Variants in EFHD1 observed in about 807,000 individuals in gnomAD.
EFHD1 encodes the protein EF-hand domain family member D1, also known as EF-hand domain-containing protein D1.
A neutral mutation model predicts 17.2 loss-of-function variants in EFHD1; 10 were observed. That is an observed-to-expected ratio of 0.58 (90% CI 0.36 to 0.99). The LOEUF is 0.99. Among genes scored for constraint, EFHD1 ranks in the 50% least tolerant of loss-of-function variants. The pLI is 0.01. For synonymous variants in EFHD1, 153 were observed against 142.0 expected, an observed-to-expected ratio of 1.08 and a Z score of -0.55; for missense variants, 310 against 327.5, an observed-to-expected ratio of 0.95 and a Z score of 0.41.
chr2:232,630,570 G>T (rs190166735), upstream of EFHD1, among the ~76,000 whole-genome samples: 3 of 152,236 alleles, frequency 2.0e-5, no homozygotes, highest in East Asian at 5.8e-4. Flanking sequence ...GTATGCAAGC[G>T]CATTATCTAA....
rs545969328 is a variant in EFHD1 at position 232,642,310 on chromosome 2, A to C, written c.302+8304A>C. Among the ~76,000 whole-genome samples the C allele has an allele frequency of 1.6e-4, 24 of 150,370 alleles. No homozygotes were observed. In the South Asian group the frequency reaches 5.1e-3, roughly 32 times the overall value. ...AGGCAGGAGAATCACTTGAACCTGC[A>C]AAGCAGTGAGCCAAGATTGCACCAC... On this transcript the variant is annotated intron_variant, in intron 1 of 3. Coordinates refer to ENST00000264059, the MANE Select transcript of EFHD1 (RefSeq NM_025202.4).
chr2:232,666,878 C>T (rs1295004702), intron 2 of EFHD1, among the ~76,000 whole-genome samples: 1 of 152,194 alleles, frequency 6.6e-6, no homozygotes, highest in Non-Finnish European at 1.5e-5. Context: ...GCTGTGTTCA[C>T]AGACTGAAAA....
In EFHD1 at chr2:232,615,181, C is replaced by T. The variant is rs986073568; in HGVS notation, c.14+9008C>T. Among the ~76,000 whole-genome samples, 4 of 152,110 alleles carry T rather than the reference C, an allele frequency of 2.6e-5. No homozygotes were observed. In the East Asian group the frequency reaches 5.8e-4, roughly 22 times the overall value. ...GAAATATGTGTTAACTGACTGTTTGCGCTATAGGCAAGGCTTCTGTCAATA... is the reference window on the plus strand; with the variant it reads ...GAAATATGTGTTAACTGACTGTTTGTGCTATAGGCAAGGCTTCTGTCAATA... On this transcript the variant is annotated intron_variant, in intron 1 of 3. Coordinates refer to the EFHD1 transcript ENST00000409613.
intron 1 of EFHD1, among the ~76,000 whole-genome samples, chr2:232,607,417 G>A (rs559233283): frequency 6.9e-6 from 1 of 144,836 alleles, no homozygotes; most frequent in South Asian, 2.2e-4. Context: ...GTGAAGCCCC[G>A]TCTCTCCTAA....
chr2:232,614,011 T>C (rs538145785), intron 1 of EFHD1, among the ~76,000 whole-genome samples: 2 of 131,612 alleles, frequency 1.5e-5, no homozygotes, highest in African/African-American at 5.5e-5. Context: ...CACATACACA[T>C]ATACACACAA....
intron 3 of EFHD1, among the ~76,000 whole-genome samples, chr2:232,677,410 T>G (rs1218765450): frequency 1.3e-5 from 2 of 150,144 alleles, no homozygotes; most frequent in Non-Finnish European, 3.0e-5. Context: ...AAATGGACAC[T>G]GATTTTTCAT....
At position 232,681,977 on chromosome 2, in the gene EFHD1, T is replaced by G; in HGVS notation, c.*258T>G. The G allele has an allele frequency of 2.3e-6, 1 of 440,632 alleles. No individual in the cohort carries two copies. Among genetic ancestry groups the G allele is most frequent in the Non-Finnish European group, 4.0e-6 (1 of 249,632 alleles). The allele number at this position is 440,632 out of a possible 1,614,324, so 27.3% of individuals were successfully genotyped here. ...GCCCTTCTTATAGCCAGAACTTGTATCTTCTCAGCAACCTTCACTTTGTCC... is the reference window on the plus strand; with the variant it reads ...GCCCTTCTTATAGCCAGAACTTGTAGCTTCTCAGCAACCTTCACTTTGTCC... On this transcript the variant is annotated 3_prime_UTR_variant, in exon 4 of 4. Transcript: ENST00000264059.
intron 1 of EFHD1, among the ~76,000 whole-genome samples, chr2:232,639,156 G>A (rs2106196650): frequency 6.6e-6 from 1 of 152,156 alleles, no homozygotes; most frequent in East Asian, 1.9e-4. Flanking sequence ...CCCTCTCCCT[G>A]GGATGTCTCC....
intron 1 of EFHD1, among the ~76,000 whole-genome samples, chr2:232,653,580 G>A (rs917040862): frequency 2.0e-5 from 3 of 152,168 alleles, no homozygotes; most frequent in East Asian, 1.9e-4. Context: ...ATGAGCCACC[G>A]CTCCCGGCCT....
At chr2:232,674,398 T>C (rs902656263) in intron 3 of EFHD1, among the ~76,000 whole-genome samples, 12 of 152,170 alleles carry the variant, frequency 7.9e-5, no homozygotes. Flanking sequence ...CCAGAATAAA[T>C]GAAGCAAGAC....
chr2:232,681,443 G>C (rs2106223087), intron 3 of EFHD1, 142 bp from the exon 4 acceptor site: 2 of 1,205,348 alleles, frequency 1.7e-6, no homozygotes, highest in Non-Finnish European at 2.3e-6. Flanking sequence ...CGGAAAGAGT[G>C]CTTGCTGGGG....
chr2:232,619,507 C>T (rs1693984609), intron 1 of EFHD1, among the ~76,000 whole-genome samples: 1 of 151,928 alleles, frequency 6.6e-6, no homozygotes, highest in East Asian at 1.9e-4. Flanking sequence ...GACGAGGTTT[C>T]ACCATGTTGG....
At chr2:232,662,036 A>T (rs534995867) in intron 1 of EFHD1, 43 of 152,676 alleles carry the variant, frequency 2.8e-4, no homozygotes, top group African/African-American at 9.9e-4. Flanking sequence ...GTCTGTGGAG[A>T]AATCCTGTAA....
At chr2:232,648,629 G>A (rs923049848) in intron 1 of EFHD1, among the ~76,000 whole-genome samples, 12 of 152,180 alleles carry the variant, frequency 7.9e-5, no homozygotes, top group African/African-American at 2.4e-4. Context: ...ACCACCTGCC[G>A]GTGGGTGTAG....
intron 2 of EFHD1, among the ~76,000 whole-genome samples, chr2:232,668,146 C>T (rs1402127962): frequency 1.3e-5 from 2 of 152,252 alleles, no homozygotes; most frequent in Non-Finnish European, 2.9e-5. Flanking sequence ...TCTTCTACCA[C>T]ATGCCCGGCT....
chr2:232,627,686 G>T (rs958304102), intron 1 of EFHD1, among the ~76,000 whole-genome samples: 1 of 151,882 alleles, frequency 6.6e-6, no homozygotes, highest in Non-Finnish European at 1.5e-5. Flanking sequence ...ATTTGCAAAA[G>T]AAATTTTTGC....
chr2:232,672,332 C>T lies in EFHD1; in HGVS notation c.474C>T (p.Ala158=), dbSNP rs375896241. ...AGTTCCTGCTCATTTTCCACAAGGC[C>T]GCGGCAGGGGAGCTGCAGGAGGACA... The part of the protein sequence containing the change: ...FREFLLIFHK[A]AAGELQEDSG... Residue 158 remains alanine, a synonymous_variant, in exon 3 of 4, where the codon GCC becomes GCT. Coordinates refer to ENST00000264059, the MANE Select transcript of EFHD1 (RefSeq NM_025202.4). 6.1e-5 allele frequency: 98 copies of T among 1,614,004 alleles called. No homozygotes were observed. Among genetic ancestry groups the T allele is most frequent in the Non-Finnish European group, 7.5e-5 (89 of 1,180,026 alleles).
At chr2:232,635,990 A>G (rs941985644) in intron 1 of EFHD1, among the ~76,000 whole-genome samples, 3 of 152,328 alleles carry the variant, frequency 2.0e-5, no homozygotes, top group African/African-American at 7.2e-5. Flanking sequence ...CCAAAAAGCC[A>G]TCACTAGCTT....
chr2:232,671,446 C>G (rs1207127022), intron 2 of EFHD1, among the ~76,000 whole-genome samples: 2 of 151,954 alleles, frequency 1.3e-5, no homozygotes, highest in Non-Finnish European at 2.9e-5. Flanking sequence ...AATAAATAGG[C>G]TGGGTGCAGT....
Sources: gnomAD v4.1 joint callset for allele counts (sites outside exome capture counted in the v4.1 genomes callset) on GRCh38, gnomAD v4.1.1 for gene constraint, MANE v1.5 for transcripts, NCBI Gene and HGNC (gene_info 2026-07-23, HGNC 2026-07-21) for gene names.